The following LRBA variants were observed in gnomAD, a reference collection of about 807,000 sequenced individuals.
LRBA encodes the protein LPS responsive beige-like anchor protein.
Under a neutral mutation model 330.0 loss-of-function variants are expected in LRBA, and 176 were observed. That is an observed-to-expected ratio of 0.53 (90% CI 0.47 to 0.60). LRBA has a LOEUF of 0.60. LRBA is among the 20% of genes least tolerant of loss of function. The pLI is 0.00. For synonymous variants in LRBA, 1,230 were observed against 1,193.0 expected (o/e 1.03, Z -0.64); for missense variants, 3,259 against 3,444.8 (o/e 0.95, Z 1.35).
intron 51 of LRBA, chr4:150,311,414 A>C (rs770339882): frequency 9.2e-5 from 14 of 152,214 alleles, no homozygotes; most frequent in South Asian, 8.3e-4. Context: ...ACATAGAAAA[A>C]TATTTATATG....
chr4:150,296,834 A>G (rs886200554), intron 53 of LRBA, among the ~76,000 whole-genome samples: 8 of 152,142 alleles, frequency 5.3e-5, no homozygotes, highest in African/African-American at 1.9e-4. Flanking sequence ...TCAGTCTACT[A>G]TGTTGTTCCA....
At chr4:150,446,077 C>T (rs1196898343) in intron 44 of LRBA, among the ~76,000 whole-genome samples, 2 of 151,902 alleles carry the variant, frequency 1.3e-5, no homozygotes, top group African/African-American at 4.8e-5. Flanking sequence ...AGATAAATAT[C>T]ACATGTTCTC....
chr4:150,530,485 C>T (rs575688016), intron 40 of LRBA, among the ~76,000 whole-genome samples: 13 of 152,274 alleles, frequency 8.5e-5, no homozygotes, highest in African/African-American at 2.9e-4. Flanking sequence ...ACTGGTTAGA[C>T]TTGGAATAAT....
intron 47 of LRBA, among the ~76,000 whole-genome samples, chr4:150,383,627 G>A (rs1037946697): frequency 6.6e-6 from 1 of 152,146 alleles, no homozygotes; most frequent in Non-Finnish European, 1.5e-5. Context: ...TTGGAAGTCT[G>A]CCACGCAGGT....
intron 37 of LRBA, among the ~76,000 whole-genome samples, chr4:150,669,014 T>C (rs758879846): frequency 5.3e-5 from 8 of 152,138 alleles, no homozygotes; most frequent in East Asian, 1.9e-4. Flanking sequence ...CATATAGAGA[T>C]AGCAAAACCA....
At chr4:150,376,545 G>A (rs537146069) in intron 47 of LRBA, among the ~76,000 whole-genome samples, 145 of 152,216 alleles carry the variant, frequency 9.5e-4, no homozygotes, top group African/African-American at 3.2e-3. Flanking sequence ...CAGAAAATAT[G>A]TACTAAACCA....
chr4:150,315,632 C>A lies in LRBA; in HGVS notation c.7631-9G>T. 1.3e-6 allele frequency: 2 copies of A among 1,563,378 alleles called. No homozygotes were observed. The highest frequency in any genetic ancestry group is 1.2e-5 in the South Asian group (1 of 84,052). On this transcript the variant is annotated splice_polypyrimidine_tract_variant and intron_variant, in intron 50 of 56. Coordinates refer to ENST00000651943, the MANE Select transcript of LRBA (RefSeq NM_001364905.1). ...TACAGCACCTTGATGAGCTGGAATTCACAAAAGATAAAGAAAAAAGGCATT... is the reference window on the plus strand; with the variant it reads ...TACAGCACCTTGATGAGCTGGAATTAACAAAAGATAAAGAAAAAAGGCATT...
At chr4:150,569,637 C>G (rs1052165222) in intron 40 of LRBA, among the ~76,000 whole-genome samples, 4 of 152,142 alleles carry the variant, frequency 2.6e-5, no homozygotes, top group African/African-American at 9.7e-5. Context: ...TCTGCTTCAT[C>G]AGCATATGAA....
chr4:150,467,857 A>T, intron 43 of LRBA, 72 bp from the exon 44 acceptor site: 1 of 671,786 alleles, frequency 1.5e-6, no homozygotes, highest in Non-Finnish European at 2.5e-6. Flanking sequence ...AATATAATTT[A>T]CTAAAAATAA....
chr4:150,863,318 A>C (rs1752207710), intron 22 of LRBA, among the ~76,000 whole-genome samples: 1 of 152,058 alleles, frequency 6.6e-6, no homozygotes, highest in African/African-American at 2.4e-5. Flanking sequence ...TTATTCTAAA[A>C]GCTTTTTTCT....
At chr4:150,323,487 T>C (rs1191167005) in intron 49 of LRBA, among the ~76,000 whole-genome samples, 1 of 152,156 alleles carries the variant, frequency 6.6e-6, no homozygotes, top group Non-Finnish European at 1.5e-5. Flanking sequence ...AAAAAATCTC[T>C]CATGTGTAGG....
At position 150,415,507 on chromosome 4, in the gene LRBA, T is replaced by C. The variant is rs764641448; in HGVS notation, c.7125A>G (p.Thr2375=). 6 of 1,609,588 alleles carry C rather than the reference T, an allele frequency of 3.7e-6. No homozygotes were observed. Among genetic ancestry groups the C allele is most frequent in the South Asian group, 1.1e-5 (1 of 90,974 alleles). ...GAGGAAGTTCGACATCAGACACTAC[T>C]GTCCCATCATCCATCACTCCAAGAT... ...NYNLGVMDDG[T]VVSDVELPPW... is the part of the protein sequence containing the mutation. The change falls in exon 47 of 57, where the codon ACA becomes ACG. Residue 2375 remains threonine, a synonymous_variant. Transcript: ENST00000651943.
intron 2 of LRBA, among the ~76,000 whole-genome samples, chr4:151,010,970 G>A (rs931261428): frequency 2.4e-4 from 36 of 151,284 alleles, no homozygotes; most frequent in Non-Finnish European, 2.7e-4. Flanking sequence ...GGCGGATCAC[G>A]AGGTCAGGAG....
In LRBA at chr4:150,317,023, T is replaced by A. The variant is rs980233126; in HGVS notation, c.7631-1400A>T. Among the ~76,000 whole-genome samples, 20 of 152,068 alleles carry A rather than the reference T, an allele frequency of 1.3e-4. 1 individual carries two copies. Among genetic ancestry groups the A allele is most frequent in the African/African-American group, 3.1e-4 (13 of 41,424 alleles). On this transcript the variant is annotated intron_variant, in intron 50 of 56. Transcript: ENST00000651943. The stretch of plus-strand genomic sequence containing the variant: ...GGCCCTGGTGGGTGTGTGATTTGTA[T>A]GTTAATGAGCATATAATGAGGTCCT...
At chr4:150,499,329 T>C (rs6535738) in intron 40 of LRBA, among the ~76,000 whole-genome samples, 151,547 of 152,288 alleles carry the variant, frequency 1, 75,412 homozygotes, top group Middle Eastern at 1. Context: ...ATGCTATTGT[T>C]GCTGAATTAA....
At chr4:150,686,413 G>T (rs902050650) in intron 36 of LRBA, among the ~76,000 whole-genome samples, 5 of 152,126 alleles carry the variant, frequency 3.3e-5, no homozygotes, top group African/African-American at 7.2e-5. Flanking sequence ...TATGATTTGA[G>T]CAAATAAAAG....
chr4:150,573,473 A>G (rs1770127098), intron 40 of LRBA, among the ~76,000 whole-genome samples: 1 of 134,642 alleles, frequency 7.4e-6, no homozygotes, highest in African/African-American at 3.1e-5. Flanking sequence ...ATAACACAGA[A>G]GTAAAAATAA....
At chr4:150,662,215 A>C (rs1781183273) in intron 37 of LRBA, among the ~76,000 whole-genome samples, 1 of 152,214 alleles carries the variant, frequency 6.6e-6, no homozygotes, top group African/African-American at 2.4e-5. Flanking sequence ...AAAAATCATG[A>C]TTATTATAAT....
chr4:150,288,989 T>G (rs1367836118), intron 53 of LRBA, among the ~76,000 whole-genome samples: 2 of 152,148 alleles, frequency 1.3e-5, no homozygotes, highest in South Asian at 2.1e-4. Flanking sequence ...TGATGTCACT[T>G]AAGAACATCA....
Sources: allele counts gnomAD v4.1 joint callset (sites outside exome capture counted in the v4.1 genomes callset), GRCh38; gene constraint gnomAD v4.1.1; transcripts MANE v1.5; gene names NCBI Gene and HGNC (gene_info 2026-07-23, HGNC 2026-07-21).